Variants in GRIA3 observed in about 807,000 individuals in gnomAD.
The protein encoded by GRIA3 is glutamate receptor 3.
In GRIA3, 3 loss-of-function variants were observed where a neutral mutation model predicts 63.0. The ratio of observed to expected loss-of-function variants is 0.05; its 90% CI spans 0.02 to 0.12. The LOEUF is 0.12. Ranked by LOEUF, GRIA3 falls within the 10% of genes least tolerant of loss-of-function variation. The pLI, the probability that GRIA3 is intolerant of heterozygous loss-of-function variation, is 1.00. For synonymous variants in GRIA3, 274 were observed against 257.9 expected, an observed-to-expected ratio of 1.06 and a Z score of -0.60; for missense variants, 347 against 700.9, an observed-to-expected ratio of 0.50 and a Z score of 5.70.
chrX:123,463,612 GA>G (rs61476798), intron 12 of GRIA3, among the ~76,000 whole-genome samples: 1,084 of 8,751 alleles, frequency 0.12, 53 homozygotes, highest in Middle Eastern at 0.16. Flanking sequence ...GGGAGGGAGG[GA>G]AAGAAAGAAA....
chrX:123,475,216 T>C (rs1461673573), intron 13 of GRIA3, among the ~76,000 whole-genome samples: 2 of 112,055 alleles, frequency 1.8e-5, no homozygotes, highest in African/African-American at 6.5e-5. Context: ...AATGTTTTCT[T>C]AGGGGAACCT....
chrX:123,483,931 CA>C (rs11376460), intron 15 of GRIA3, among the ~76,000 whole-genome samples: 7 of 104,301 alleles, frequency 6.7e-5, no homozygotes, highest in African/African-American at 2.4e-4. Flanking sequence ...GACTCCATCT[CA>C]AAAAAAAAAA....
At chrX:123,476,853 G>A (rs183941710) in intron 13 of GRIA3, among the ~76,000 whole-genome samples, 4 of 111,198 alleles carry the variant, frequency 3.6e-5, no homozygotes, top group Non-Finnish European at 7.5e-5. Flanking sequence ...AGCATCTCCC[G>A]GCCCCGACCC....
At chrX:123,206,829 C>T (rs1433269877) in intron 2 of GRIA3, among the ~76,000 whole-genome samples, 1 of 112,021 alleles carries the variant, frequency 8.9e-6, no homozygotes, top group Admixed American at 9.4e-5. Flanking sequence ...GGATTCTGTT[C>T]TCAATACTGA....
intron 4 of GRIA3, among the ~76,000 whole-genome samples, chrX:123,330,032 T>A (rs192395551): frequency 8.0e-5 from 9 of 111,914 alleles, no homozygotes; most frequent in Non-Finnish European, 1.5e-4. Flanking sequence ...TCACTTACTA[T>A]CTTTGTGACC....
chrX:123,467,262 A>G (rs2147435582), intron 13 of GRIA3, among the ~76,000 whole-genome samples: 1 of 112,443 alleles, frequency 8.9e-6, no homozygotes, highest in South Asian at 3.7e-4. Context: ...ATTGACCCTC[A>G]AACGTTAGAG....
In GRIA3 at chrX:123,450,775, GAA is replaced by G. The variant is rs1217511664; in HGVS notation, c.2077-14089_2077-14088del. Among the ~76,000 whole-genome samples the G allele has an allele frequency of 3.6e-5, 4 of 112,430 alleles. No homozygotes were observed. In the East Asian group the frequency reaches 1.1e-3, roughly 31 times the overall value. On this transcript the variant is annotated intron_variant, in intron 12 of 15. Coordinates refer to ENST00000620443, the MANE Select transcript of GRIA3 (RefSeq NM_007325.5). ...AGTGCAATGAAGACAAAAAGCTGGT[GAA>G]GAGACAAAATGTTGGTGTGGAGGTG...
intron 12 of GRIA3, among the ~76,000 whole-genome samples, chrX:123,437,166 G>A (rs1366768020): frequency 9.2e-6 from 1 of 108,274 alleles, no homozygotes; most frequent in Non-Finnish European, 1.9e-5. Context: ...TCACACTTTG[G>A]TCAGAGAGTA....
At chrX:123,416,231 G>T (rs1332928888) in intron 10 of GRIA3, among the ~76,000 whole-genome samples, 1 of 111,696 alleles carries the variant, frequency 9.0e-6, no homozygotes, top group Non-Finnish European at 1.9e-5. Flanking sequence ...TTCCTCAACT[G>T]GTTTATCATA....
intron 5 of GRIA3, among the ~76,000 whole-genome samples, chrX:123,364,212 A>G (rs2045196255): frequency 8.9e-6 from 1 of 112,282 alleles, no homozygotes; most frequent in African/African-American, 3.2e-5. Flanking sequence ...ATTCCATAGC[A>G]CAACAGGAAA....
intron 12 of GRIA3, among the ~76,000 whole-genome samples, chrX:123,450,675 C>G (rs1275252517): frequency 8.9e-6 from 1 of 112,752 alleles, no homozygotes; most frequent in Non-Finnish European, 1.9e-5. Context: ...AAACCAAAGT[C>G]CTTGTAATCA....
intron 12 of GRIA3, among the ~76,000 whole-genome samples, chrX:123,429,149 A>T (rs1434786370): frequency 8.9e-6 from 1 of 111,739 alleles, no homozygotes; most frequent in East Asian, 2.8e-4. Flanking sequence ...GATGACAGAT[A>T]TAATTGCTGA....
At chrX:123,317,055 C>T (rs765157592) in intron 3 of GRIA3, among the ~76,000 whole-genome samples, 9 of 111,091 alleles carry the variant, frequency 8.1e-5, no homozygotes, top group African/African-American at 2.6e-4. Context: ...AGGCAAAAGG[C>T]ACTTCTTACA....
At chrX:123,297,635 G>A (rs1358484200) in intron 3 of GRIA3, among the ~76,000 whole-genome samples, 1 of 111,619 alleles carries the variant, frequency 9.0e-6, no homozygotes, top group Non-Finnish European at 1.9e-5. Context: ...TTAGTGTAGT[G>A]GCAAAGTGCG....
At chrX:123,266,621 G>T (rs2044490196) in intron 3 of GRIA3, among the ~76,000 whole-genome samples, 1 of 110,658 alleles carries the variant, frequency 9.0e-6, no homozygotes, top group Non-Finnish European at 1.9e-5. Flanking sequence ...TCACTCCCCT[G>T]CCTAAAAGAT....
intron 3 of GRIA3, among the ~76,000 whole-genome samples, chrX:123,283,095 C>T (rs986045144): frequency 9.0e-6 from 1 of 111,412 alleles, no homozygotes; most frequent in Non-Finnish European, 1.9e-5. Context: ...CCACGAAAGG[C>T]GAGCCAAAGC....
intron 12 of GRIA3, among the ~76,000 whole-genome samples, chrX:123,463,064 T>G (rs1316417540): frequency 5.4e-5 from 6 of 110,912 alleles, no homozygotes; most frequent in Admixed American, 2.9e-4. Context: ...ATATGCAAAA[T>G]TCAAAAAGGT....
intron 6 of GRIA3, among the ~76,000 whole-genome samples, chrX:123,396,668 T>C (rs2045415710): frequency 8.9e-6 from 1 of 112,068 alleles, no homozygotes; most frequent in Non-Finnish European, 1.9e-5. Context: ...GTATGTTGCC[T>C]ACACATATAT....
At chrX:123,347,752 C>T (rs772532802) in intron 4 of GRIA3, among the ~76,000 whole-genome samples, 4 of 112,398 alleles carry the variant, frequency 3.6e-5, no homozygotes, top group African/African-American at 6.5e-5. Context: ...CATCCGACTT[C>T]GAGGTTTATG....
Sources: allele counts gnomAD v4.1 joint callset (sites outside exome capture counted in the v4.1 genomes callset), GRCh38; gene constraint gnomAD v4.1.1; transcripts MANE v1.5; gene names NCBI Gene and HGNC (gene_info 2026-07-23, HGNC 2026-07-21).